The following NHSL2 variants were observed in gnomAD, a reference collection of about 807,000 sequenced individuals.
NHSL2 encodes the protein NHS like 2.
Under a neutral mutation model 53.4 loss-of-function variants are expected in NHSL2, and 27 were observed. The observed-to-expected ratio is 0.51, with a 90% CI of 0.37 to 0.70. The LOEUF (loss-of-function observed/expected upper bound fraction) is 0.70, where lower values mean the gene tolerates loss of function less well. Ranked by LOEUF, NHSL2 falls within the 30% of genes least tolerant of loss-of-function variation. The pLI, the probability that NHSL2 is intolerant of heterozygous loss-of-function variation, is 0.00. For missense variants in NHSL2, 892 were observed against 980.1 expected (o/e 0.91, Z 1.20); for synonymous variants, 408 against 404.1 (o/e 1.01, Z -0.12).
chrX:72,059,957 C>T (rs1232792055), intron 1 of NHSL2, among the ~76,000 whole-genome samples: 1 of 111,894 alleles, frequency 8.9e-6, no homozygotes, highest in Non-Finnish European at 1.9e-5. Flanking sequence ...TGAAGCTTTA[C>T]TGAGGGGCGG....
At chrX:72,111,995 T>TAGCA (rs2042097621) in intron 1 of NHSL2, among the ~76,000 whole-genome samples, 1 of 110,237 alleles carries the variant, frequency 9.1e-6, no homozygotes, top group Admixed American at 9.7e-5. Flanking sequence ...CAGGACACCA[T>TAGCA]AGCAAGATCA....
rs181244327 is a variant in NHSL2 at position 72,131,449 on chromosome X, T to C, written c.281-630T>C. 1.7e-3 allele frequency: 2,066 copies of C among 1,208,382 alleles called. 27 individuals are homozygous for C. In the African/African-American group the frequency reaches 0.031, roughly 18 times the overall value. On this transcript the variant is annotated intron_variant, in intron 1 of 7. Coordinates refer to ENST00000633930, the MANE Select transcript of NHSL2 (RefSeq NM_001013627.3). Reference sequence around the variant, plus strand: ...GGCTCTCCCGAGCTGGAGGCCCAAATTGGCATTCTCCCCGCGAAGGGCATT... The same window carrying C: ...GGCTCTCCCGAGCTGGAGGCCCAAACTGGCATTCTCCCCGCGAAGGGCATT...
At chrX:71,969,445 T>G (rs2041916174) in intron 1 of NHSL2, among the ~76,000 whole-genome samples, 1 of 109,647 alleles carries the variant, frequency 9.1e-6, no homozygotes, top group Non-Finnish European at 1.9e-5. Context: ...CCCCAGTAGC[T>G]GGGATTACAG....
chrX:72,131,961 C>G (rs1233754660), intron 1 of NHSL2, 118 bp from the exon 2 acceptor site: 2 of 684,927 alleles, frequency 2.9e-6, no homozygotes, highest in Non-Finnish European at 4.4e-6. Context: ...AGCGCAGCCT[C>G]GCACTCCCCC....
intron 1 of NHSL2, among the ~76,000 whole-genome samples, chrX:72,053,752 C>T (rs1305394282): frequency 8.9e-6 from 1 of 111,741 alleles, no homozygotes; most frequent in African/African-American, 3.3e-5. Context: ...CATGTTGTCT[C>T]TCCCAATAGA....
rs58448364 is a variant in NHSL2, at chrX:72,148,840, A to ATGTGTGTGTGTGTGTGTGTGTGTG, written c.*5282_*5305dup. 8.1e-5 allele frequency: 7 copies of ATGTGTGTGTGTGTGTGTGTGTGTG among 85,958 alleles called. No homozygotes were observed. Among genetic ancestry groups the ATGTGTGTGTGTGTGTGTGTGTGTG allele is most frequent in the African/African-American group, 3.0e-4 (7 of 22,999 alleles). 7.1% of individuals were successfully genotyped at this position (85,958 alleles called of 1,213,427 possible). The stretch of plus-strand genomic sequence containing the variant: ...GGAGAAAGAGAGAGAGAGAGAGTGT[A>ATGTGTGTGTGTGTGTGTGTGTGTG]TGTGTGTGTGTGTGTGTGTGTGTGT... On this transcript the variant is annotated 3_prime_UTR_variant, in exon 8 of 8. Coordinates refer to ENST00000633930, the MANE Select transcript of NHSL2 (RefSeq NM_001013627.3).
chrX:72,056,558 A>G (rs1487984065), intron 1 of NHSL2, among the ~76,000 whole-genome samples: 5 of 110,579 alleles, frequency 4.5e-5, no homozygotes, highest in South Asian at 3.7e-4. Context: ...CTGCGCACAC[A>G]CACACACACA....
chrX:71,936,574 A>G (rs1201934308), intron 1 of NHSL2, among the ~76,000 whole-genome samples: 1 of 112,469 alleles, frequency 8.9e-6, no homozygotes, highest in African/African-American at 3.2e-5. Context: ...TGTCTTTTAT[A>G]TATTAGAGAT....
intron 1 of NHSL2, among the ~76,000 whole-genome samples, chrX:71,931,943 G>A (rs914067862): frequency 8.9e-6 from 1 of 112,022 alleles, no homozygotes; most frequent in African/African-American, 3.2e-5. Flanking sequence ...TTTTTGCCCA[G>A]CTGTTTACTG....
At chrX:72,020,728 C>A (rs1168688906) in intron 1 of NHSL2, among the ~76,000 whole-genome samples, 1 of 112,743 alleles carries the variant, frequency 8.9e-6, no homozygotes, top group African/African-American at 3.2e-5. Flanking sequence ...AAGCTCCATC[C>A]CCAACACAGT....
intron 1 of NHSL2, among the ~76,000 whole-genome samples, chrX:72,035,119 A>G (rs183467489): frequency 1.8e-5 from 2 of 112,395 alleles, no homozygotes; most frequent in Admixed American, 9.4e-5. Context: ...CCAGTCCAAT[A>G]TATTTTTAAA....
rs144785634 is a variant in NHSL2, at chrX:72,003,130, G to A, written c.280+91763G>A. Among the ~76,000 whole-genome samples the A allele has an allele frequency of 2.8e-3, 309 of 110,523 alleles. 1 individual carries two copies. The highest frequency in any genetic ancestry group is 9.7e-3 in the African/African-American group (295 of 30,441). On this transcript the variant is annotated intron_variant, in intron 1 of 7. Transcript: ENST00000633930. ...CAGCAGCAAGCAGAAAGGAATGTGA[G>A]TGCCAAAGACTCCCACTGAAGCAGA...
At chrX:71,955,242 G>A (rs922256174) in intron 1 of NHSL2, among the ~76,000 whole-genome samples, 11 of 112,082 alleles carry the variant, frequency 9.8e-5, no homozygotes, top group Non-Finnish European at 2.1e-4. Context: ...GCCTGATGGT[G>A]TAGCCCACTT....
chrX:72,109,532 C>T (rs1007539322), intron 1 of NHSL2, among the ~76,000 whole-genome samples: 3 of 111,889 alleles, frequency 2.7e-5, no homozygotes, highest in Admixed American at 9.5e-5. Context: ...TGCAATGGCG[C>T]GATCTCGGCT....
chrX:71,930,821 C>T (rs2041709268), intron 1 of NHSL2, among the ~76,000 whole-genome samples: 1 of 112,324 alleles, frequency 8.9e-6, no homozygotes, highest in Non-Finnish European at 1.9e-5. Context: ...TGGCTTGTTC[C>T]TATCCTTTGG....
chrX:72,106,308 T>C (rs2042039980), intron 1 of NHSL2, among the ~76,000 whole-genome samples: 1 of 111,654 alleles, frequency 9.0e-6, no homozygotes, highest in African/African-American at 3.3e-5. Context: ...TGCAAGATGA[T>C]AGGCTGAAAG....
At position 72,145,848 on chromosome X, in the gene NHSL2, A is replaced by C. The variant is rs2042460108; in HGVS notation, c.*2274A>C. 8.9e-6 allele frequency: 1 copy of C among 112,127 alleles called. No homozygotes were observed. Among genetic ancestry groups the C allele is most frequent in the Non-Finnish European group, 1.9e-5 (1 of 53,245 alleles). 9.2% of individuals were successfully genotyped at this position (112,127 alleles called of 1,213,427 possible). The stretch of plus-strand genomic sequence containing the variant: ...CCTTGCTACCTCTGGAGGTTTTCCC[A>C]AAAGATTCTGAACCTGAATTCTCAG... On this transcript the variant is annotated 3_prime_UTR_variant, in exon 8 of 8. Transcript: ENST00000633930.
chrX:72,105,791 A>T (rs1414179169), intron 1 of NHSL2, among the ~76,000 whole-genome samples: 2 of 112,367 alleles, frequency 1.8e-5, no homozygotes, highest in African/African-American at 6.5e-5. Flanking sequence ...AGAGAGAAAT[A>T]TAAAAACTTG....
intron 1 of NHSL2, among the ~76,000 whole-genome samples, chrX:72,075,901 A>AGTGTGTGTGT (rs10637913): frequency 2.1e-4 from 20 of 93,387 alleles, no homozygotes; most frequent in East Asian, 1.4e-3. Context: ...GGGGGAGCAC[A>AGTGTGTGTGT]GTGTGTGTGT....
Sources: allele counts gnomAD v4.1 joint callset (sites outside exome capture counted in the v4.1 genomes callset), GRCh38; gene constraint gnomAD v4.1.1; transcripts MANE v1.5; gene names NCBI Gene and HGNC (gene_info 2026-07-23, HGNC 2026-07-21).